Variants in CCDC171 observed in about 807,000 individuals in gnomAD.
CCDC171 encodes coiled-coil domain-containing protein 171.
In CCDC171, 177 loss-of-function variants were observed where a neutral mutation model predicts 168.2. The ratio of observed to expected loss-of-function variants is 1.05; its 90% CI spans 0.93 to 1.19. The LOEUF (loss-of-function observed/expected upper bound fraction) is 1.19. CCDC171 is among the 50% of genes most tolerant of loss of function. The pLI, the probability that CCDC171 is intolerant of heterozygous loss-of-function variation, is 0.00. For synonymous variants in CCDC171, 687 were observed against 540.8 expected (o/e 1.27, Z -3.75); for missense variants, 1,991 against 1,539.0 (o/e 1.29, Z -4.91).
chr9:15,881,237 G>C (rs1277012241), intron 24 of CCDC171, among the ~76,000 whole-genome samples: 4 of 152,112 alleles, frequency 2.6e-5, no homozygotes, highest in Admixed American at 2.6e-4. Context: ...TTCCTGAGTA[G>C]AGCCCTAAGC....
intron 25 of CCDC171, among the ~76,000 whole-genome samples, chr9:15,930,326 A>ATTT (rs1564017283): frequency 4.6e-5 from 7 of 151,604 alleles, no homozygotes; most frequent in African/African-American, 1.7e-4. Flanking sequence ...AATAATTTAC[A>ATTT]TATTCTATAT....
intron 7 of CCDC171, among the ~76,000 whole-genome samples, chr9:15,627,270 C>A (rs2045226606): frequency 6.6e-6 from 1 of 151,916 alleles, no homozygotes; most frequent in Admixed American, 6.6e-5. Flanking sequence ...AAAACCAACT[C>A]CTGGATTCAT....
chr9:15,938,726 T>C (rs1827378224), intron 25 of CCDC171, among the ~76,000 whole-genome samples: 1 of 151,862 alleles, frequency 6.6e-6, no homozygotes, highest in South Asian at 2.1e-4. Flanking sequence ...TGAATTCAGC[T>C]TATTCTTTTG....
At chr9:15,773,475 T>C (rs1049917980) in intron 18 of CCDC171, among the ~76,000 whole-genome samples, 7 of 152,186 alleles carry the variant, frequency 4.6e-5, no homozygotes, top group African/African-American at 1.4e-4. Context: ...CCCCCTTCTA[T>C]TGGAAAAAGT....
chr9:15,783,858 T>G (rs896100199), intron 20 of CCDC171, among the ~76,000 whole-genome samples: 6 of 152,198 alleles, frequency 3.9e-5, no homozygotes, highest in Admixed American at 1.3e-4. Flanking sequence ...TCAACAAATA[T>G]TGAACACTCA....
chr9:15,912,688 T>C (rs930883884), intron 24 of CCDC171, among the ~76,000 whole-genome samples: 1 of 152,182 alleles, frequency 6.6e-6, no homozygotes, highest in Admixed American at 6.5e-5. Context: ...CATAAATAGC[T>C]CTTATTATTT....
intron 18 of CCDC171, among the ~76,000 whole-genome samples, chr9:15,765,112 C>T (rs1221328142): frequency 6.6e-6 from 1 of 152,172 alleles, no homozygotes; most frequent in African/African-American, 2.4e-5. Flanking sequence ...ATTGAAGAAT[C>T]ACTCCAAATT....
In CCDC171 at chr9:15,657,023, C is replaced by T. The variant is rs2047990721; in HGVS notation, c.823-104C>T. 8.2e-6 allele frequency: 4 copies of T among 490,282 alleles called. No individual in the cohort carries two copies. In the Admixed American group the frequency reaches 1.2e-4, roughly 15 times the overall value. The allele number at this position is 490,282 out of a possible 1,614,324, so 30.4% of individuals were successfully genotyped here. ...GCAAAGAAAAAAAAAAATGAGGCTGCAAGTCCACTAATCTAAAGTGTTAAT... is the reference window on the plus strand; with the variant it reads ...GCAAAGAAAAAAAAAAATGAGGCTGTAAGTCCACTAATCTAAAGTGTTAAT... On this transcript the variant is annotated intron_variant, in intron 7 of 25. Transcript: ENST00000380701.
In CCDC171 at chr9:15,602,577, T is replaced by C. The variant is rs563774664; in HGVS notation, c.675+8405T>C. On this transcript the variant is annotated intron_variant, in intron 6 of 25. Transcript: ENST00000380701. ...TCTCTGGAATATTAACATGAGTGAATTCTTATTGGTGTTACCCAAAAAGTT... is the reference window on the plus strand; with the variant it reads ...TCTCTGGAATATTAACATGAGTGAACTCTTATTGGTGTTACCCAAAAAGTT... Among the ~76,000 whole-genome samples the C allele has an allele frequency of 1.5e-3, 207 of 135,860 alleles. 1 individual carries two copies. The highest frequency in any genetic ancestry group is 5.3e-3 in the African/African-American group (200 of 37,616). 89.1% of individuals were successfully genotyped at this position (135,860 alleles called of 152,430 possible).
intron 21 of CCDC171, among the ~76,000 whole-genome samples, chr9:15,835,775 G>A (rs536479050): frequency 6.6e-6 from 1 of 152,082 alleles, no homozygotes; most frequent in Non-Finnish European, 1.5e-5. Context: ...TATATTGAAA[G>A]TAATAAAAAT....
At chr9:15,649,329 T>C (rs893429734) in intron 7 of CCDC171, among the ~76,000 whole-genome samples, 3 of 152,168 alleles carry the variant, frequency 2.0e-5, no homozygotes, top group Non-Finnish European at 4.4e-5. Flanking sequence ...ATTCAGGACA[T>C]AGGCATGGGC....
chr9:15,786,008 A>G (rs1368224632), intron 21 of CCDC171, among the ~76,000 whole-genome samples: 1 of 152,158 alleles, frequency 6.6e-6, no homozygotes, highest in Non-Finnish European at 1.5e-5. Flanking sequence ...AAAGCAGGAA[A>G]ATACACGTGA....
chr9:15,576,624 C>T (rs1362009432), intron 3 of CCDC171, among the ~76,000 whole-genome samples: 1 of 152,172 alleles, frequency 6.6e-6, no homozygotes, highest in Non-Finnish European at 1.5e-5. Context: ...AGTATTTTGA[C>T]CTTATGAAAT....
At chr9:16,008,663 A>G (rs551765170) in intron 3 of CCDC171, among the ~76,000 whole-genome samples, 1 of 152,262 alleles carries the variant, frequency 6.6e-6, no homozygotes, top group East Asian at 1.9e-4. Context: ...CTCTCCTTGC[A>G]TCGCTGGGCC....
intron 6 of CCDC171, among the ~76,000 whole-genome samples, chr9:15,610,951 C>A (rs1442038150): frequency 6.6e-6 from 1 of 152,018 alleles, no homozygotes; most frequent in East Asian, 1.9e-4. Flanking sequence ...GTGTCTCTGC[C>A]CAAATCTCAT....
At chr9:15,967,137 A>G (rs1254671164) in intron 25 of CCDC171, among the ~76,000 whole-genome samples, 3 of 152,192 alleles carry the variant, frequency 2.0e-5, no homozygotes, top group Non-Finnish European at 4.4e-5. Flanking sequence ...TGGCTAACTC[A>G]TCTGAAGTAT....
intron 25 of CCDC171, among the ~76,000 whole-genome samples, chr9:15,947,053 A>T (rs1188884938): frequency 6.6e-6 from 1 of 152,042 alleles, no homozygotes; most frequent in Non-Finnish European, 1.5e-5. Flanking sequence ...AAACTAAAAA[A>T]CATGATTCTA....
At position 15,846,928 on chromosome 9, in the gene CCDC171, G is replaced by A; in HGVS notation, c.3413+81G>A. ...CTTTCATGCTCCGGGTTTTAGCCCT[G>A]GATAATACAGTGTTAGAAAACAAAA... On this transcript the variant is annotated intron_variant, in intron 22 of 25. Transcript: ENST00000380701. 2.4e-6 allele frequency: 3 copies of A among 1,249,414 alleles called. No homozygotes were observed. In the South Asian group the frequency reaches 4.9e-5, roughly 20 times the overall value. 77.4% of individuals were successfully genotyped at this position (1,249,414 alleles called of 1,614,324 possible). A position where few individuals can be genotyped will look rare whatever the true frequency, so the allele number is the denominator to read the frequency against.
At chr9:15,616,053 C>T (rs753581774) in intron 6 of CCDC171, among the ~76,000 whole-genome samples, 15 of 152,140 alleles carry the variant, frequency 9.9e-5, no homozygotes, top group East Asian at 1.9e-4. Flanking sequence ...TGGGTTCAAG[C>T]GATTCTCTTG....
Sources: gnomAD v4.1 joint callset for allele counts (sites outside exome capture counted in the v4.1 genomes callset) on GRCh38, gnomAD v4.1.1 for gene constraint, MANE v1.5 for transcripts, NCBI Gene and HGNC (gene_info 2026-07-23, HGNC 2026-07-21) for gene names.